Variants in STK3 observed in about 807,000 individuals in gnomAD.
STK3 encodes serine/threonine-protein kinase 3.
Under a neutral mutation model 58.0 loss-of-function variants are expected in STK3, and 41 were observed. That is an observed-to-expected ratio of 0.71 (90% CI 0.55 to 0.92). The LOEUF (loss-of-function observed/expected upper bound fraction) is 0.92. Among genes scored for constraint, STK3 ranks in the 40% least tolerant of loss-of-function variants. The probability of loss-of-function intolerance (pLI) is 0.00; values close to 1 mark genes in which losing one functional copy is unlikely to be tolerated. For synonymous variants in STK3, 170 were observed against 191.0 expected (o/e 0.89, Z 0.91); for missense variants, 479 against 602.7 (o/e 0.79, Z 2.15).
At chr8:98,384,722 T>C (rs1817772617) in intron 1 of STK3, among the ~76,000 whole-genome samples, 1 of 152,176 alleles carries the variant, frequency 6.6e-6, no homozygotes, top group Non-Finnish European at 1.5e-5. Context: ...CCTCCCAGAA[T>C]CAGGGTGCCC....
intron 10 of STK3, among the ~76,000 whole-genome samples, chr8:98,494,882 G>A (rs1823005462): frequency 1.3e-5 from 2 of 152,036 alleles, no homozygotes; most frequent in Non-Finnish European, 2.9e-5. Flanking sequence ...GAGACACCAG[G>A]AGCCCAACTG....
chr8:98,514,514 C>A (rs947651500), intron 10 of STK3, among the ~76,000 whole-genome samples: 1 of 151,694 alleles, frequency 6.6e-6, no homozygotes, highest in South Asian at 2.1e-4. Context: ...TAGACTGATA[C>A]CTGCCCCCAC....
At chr8:98,372,532 T>C (rs1396331782) in intron 2 of STK3, among the ~76,000 whole-genome samples, 1 of 82,668 alleles carries the variant, frequency 1.2e-5, no homozygotes, top group Admixed American at 1.2e-4. Context: ...GAACACCCAG[T>C]GGTTTTTTGT....
intron 3 of STK3, among the ~76,000 whole-genome samples, chr8:98,859,813 G>GGGCC (rs1463920388): frequency 3.9e-5 from 6 of 152,330 alleles, no homozygotes; most frequent in African/African-American, 1.4e-4. Flanking sequence ...GGCTCTGATA[G>GGGCC]TCACCAGAAA....
intron 6 of STK3, among the ~76,000 whole-genome samples, chr8:98,635,275 A>G (rs1199205427): frequency 6.6e-6 from 1 of 152,170 alleles, no homozygotes. Context: ...TGTTGTAATT[A>G]TTGTTGTTAC....
chr8:98,864,966 C>G (rs1010979555), intron 3 of STK3, among the ~76,000 whole-genome samples: 3 of 152,206 alleles, frequency 2.0e-5, no homozygotes, highest in African/African-American at 7.2e-5. Context: ...TGGGCCAGAA[C>G]TTGCACATAT....
chr8:98,630,751 G>A (rs1254430741), intron 6 of STK3, among the ~76,000 whole-genome samples: 1 of 149,986 alleles, frequency 6.7e-6, no homozygotes, highest in Non-Finnish European at 1.5e-5. Flanking sequence ...GAAGGATAAG[G>A]AGAAGGAGAA....
chr8:98,425,620 CA>C (rs2131062220), intron 3 of STK3, among the ~76,000 whole-genome samples: 1 of 152,316 alleles, frequency 6.6e-6, no homozygotes, highest in East Asian at 1.9e-4. Context: ...CATTCACACC[CA>C]CACACATGTC....
intron 1 of STK3, among the ~76,000 whole-genome samples, chr8:98,387,498 C>T (rs1233628240): frequency 6.6e-6 from 1 of 152,190 alleles, no homozygotes; most frequent in African/African-American, 2.4e-5. Context: ...CCTGTAACCC[C>T]AGCACTTCGG....
At position 98,380,639 on chromosome 8, in the gene STK3, T is replaced by A. The variant is rs569029463; in HGVS notation, n.57-1432A>T. Among the ~76,000 whole-genome samples the A allele has an allele frequency of 6.6e-5, 10 of 152,336 alleles. No individual in the cohort carries two copies. The South Asian group carries it at 8.3e-4, about 13-fold the overall frequency. ...TACTCTTCTTTCAGCAATGTATGGA[T>A]TACCTGTTTTCCTCAGACCCTCACT... On this transcript the variant is annotated intron_variant and non_coding_transcript_variant, in intron 1 of 2. Transcript: ENST00000518704.
chr8:98,489,463 G>C lies in STK3; in HGVS notation c.1318-33463C>G, dbSNP rs533441365. ...TAGTTACTATTTTTGTTGTTGTGCA[G>C]TAACTTAAAATCTTTATGTAATAAA... On this transcript the variant is annotated intron_variant, in intron 10 of 10. Coordinates refer to ENST00000419617, the MANE Select transcript of STK3 (RefSeq NM_006281.4). 2.6e-5 allele frequency among the ~76,000 whole-genome samples: 4 copies of C among 152,216 alleles called. No homozygotes were observed. The East Asian group carries it at 7.7e-4, about 29-fold the overall frequency.
rs181742827 is a variant in STK3, at chr8:98,675,724, G to A, written c.684+30743C>T. Among the ~76,000 whole-genome samples the A allele has an allele frequency of 3.0e-4, 46 of 152,152 alleles. 1 individual carries two copies. In the East Asian group the frequency reaches 6.0e-3, roughly 20 times the overall value. Reference sequence around the variant, plus strand: ...AAAAATAACAAAAAACTAGCCAGACGTGGTGGCGGGCAGCCTGTAGTCCCA... The same window carrying A: ...AAAAATAACAAAAAACTAGCCAGACATGGTGGCGGGCAGCCTGTAGTCCCA... On this transcript the variant is annotated intron_variant, in intron 6 of 10. Coordinates refer to ENST00000419617, the MANE Select transcript of STK3 (RefSeq NM_006281.4).
intron 6 of STK3, among the ~76,000 whole-genome samples, chr8:98,625,762 T>C (rs771174179): frequency 2.6e-5 from 4 of 152,108 alleles, no homozygotes; most frequent in Non-Finnish European, 5.9e-5. Flanking sequence ...GTTTTAAAGT[T>C]GTGAGGAAGA....
chr8:98,798,475 G>C (rs980353414), intron 1 of STK3, among the ~76,000 whole-genome samples: 4 of 152,176 alleles, frequency 2.6e-5, no homozygotes, highest in African/African-American at 9.7e-5. Flanking sequence ...TCTTGACTGA[G>C]TGGCTTTAGA....
chr8:98,414,695 C>T (rs2131045649), intron 3 of STK3, among the ~76,000 whole-genome samples: 1 of 152,336 alleles, frequency 6.6e-6, no homozygotes, highest in Middle Eastern at 3.4e-3. Flanking sequence ...TTCCCAGCCT[C>T]CCTTGCAACT....
intron 6 of STK3, among the ~76,000 whole-genome samples, chr8:98,653,846 T>C (rs1821205971): frequency 6.6e-6 from 1 of 152,046 alleles, no homozygotes; most frequent in Non-Finnish European, 1.5e-5. Flanking sequence ...AATTAATAGC[T>C]TACCAACCAA....
At chr8:98,665,796 T>C (rs1185781111) in intron 6 of STK3, among the ~76,000 whole-genome samples, 3 of 151,732 alleles carry the variant, frequency 2.0e-5, no homozygotes, top group East Asian at 2.0e-4. Context: ...CTCCGCCTCC[T>C]GGGTTCACGC....
chr8:98,387,578 G>A (rs954409524), intron 1 of STK3, among the ~76,000 whole-genome samples: 10 of 152,098 alleles, frequency 6.6e-5, no homozygotes, highest in African/African-American at 9.7e-5. Flanking sequence ...GAGAAACCCC[G>A]TCTCTACTAA....
intron 1 of STK3, among the ~76,000 whole-genome samples, chr8:98,790,028 CA>C (rs530630466): frequency 7.1e-4 from 63 of 88,688 alleles, no homozygotes; most frequent in East Asian, 1.0e-3. Context: ...GACTTCATCT[CA>C]AAAAAAAAAA....
Sources: gnomAD v4.1 joint callset for allele counts (sites outside exome capture counted in the v4.1 genomes callset) on GRCh38, gnomAD v4.1.1 for gene constraint, MANE v1.5 for transcripts, NCBI Gene and HGNC (gene_info 2026-07-23, HGNC 2026-07-21) for gene names.